Variants in TNR observed in about 807,000 individuals in gnomAD.
TNR encodes tenascin-R.
Under a neutral mutation model 150.4 loss-of-function variants are expected in TNR, and 45 were observed. That is an observed-to-expected ratio of 0.30 (90% CI 0.24 to 0.38). TNR has a LOEUF of 0.38. Among genes scored for constraint, TNR ranks in the 10% least tolerant of loss-of-function variants. The probability of loss-of-function intolerance (pLI) is 1.00; values close to 1 mark genes in which losing one functional copy is unlikely to be tolerated. For missense variants in TNR, 1,544 were observed against 1,759.1 expected, an observed-to-expected ratio of 0.88 and a Z score of 2.19; for synonymous variants, 687 against 678.4, an observed-to-expected ratio of 1.01 and a Z score of -0.20.
Position 175,396,710 on chromosome 1 carries a change from A to G in TNR, c.1074T>C (p.Ser358=). ...GPMAVTEYVI[S]YQPTALGGLQ... is the part of the protein sequence containing the mutation. ...GGCCCCCCAGGGCCGTCGGCTGGTA[A>G]GAGATCACATATTCCGTCACTGCCA... is the stretch of plus-strand genomic sequence containing the variant. Residue 358 remains serine (S), a synonymous_variant, in exon 5 of 23, where the codon TCT becomes TCC. Transcript: ENST00000367674. 6.2e-7 allele frequency: 1 copy of G among 1,610,848 alleles called. No individual in the cohort carries two copies. Among genetic ancestry groups the G allele is most frequent in the Non-Finnish European group, 8.5e-7 (1 of 1,176,996 alleles).
chr1:175,435,467 A>G (rs921820047), intron 2 of TNR, among the ~76,000 whole-genome samples: 2 of 152,248 alleles, frequency 1.3e-5, no homozygotes, highest in African/African-American at 4.8e-5. Flanking sequence ...TAAAGGCTCA[A>G]CTGGGGACAT....
chr1:175,609,351 A>T (rs1179498340), intron 1 of TNR, among the ~76,000 whole-genome samples: 1 of 152,200 alleles, frequency 6.6e-6, no homozygotes, highest in Admixed American at 6.5e-5. Flanking sequence ...AGAGCATGGG[A>T]GCAGGGACTG....
chr1:175,579,173 C>A (rs981969115), intron 1 of TNR, among the ~76,000 whole-genome samples: 2 of 144,856 alleles, frequency 1.4e-5, no homozygotes, highest in African/African-American at 2.6e-5. Flanking sequence ...TCTTTCCTTC[C>A]TTCCTTCCTT....
At chr1:175,523,509 T>C (rs1418847078) in intron 2 of TNR, among the ~76,000 whole-genome samples, 2 of 152,168 alleles carry the variant, frequency 1.3e-5, no homozygotes, top group Admixed American at 6.5e-5. Flanking sequence ...ACACAAATGA[T>C]TGCAATACAA....
chr1:175,667,243 A>T (rs1318440012), intron 1 of TNR, among the ~76,000 whole-genome samples: 1 of 152,178 alleles, frequency 6.6e-6, no homozygotes, highest in African/African-American at 2.4e-5. Context: ...GACACTTTGC[A>T]CACGTGGTCT....
intron 1 of TNR, among the ~76,000 whole-genome samples, chr1:175,563,908 C>T (rs763834644): frequency 4.6e-5 from 7 of 152,184 alleles, no homozygotes; most frequent in Non-Finnish European, 7.3e-5. Flanking sequence ...CTAAGGCTCA[C>T]GCCACCCTTC....
chr1:175,696,027 T>G (rs1175206123), intron 1 of TNR, among the ~76,000 whole-genome samples: 1 of 152,224 alleles, frequency 6.6e-6, no homozygotes, highest in Non-Finnish European at 1.5e-5. Flanking sequence ...GATAGATTAA[T>G]ATTAGCCAAT....
intron 14 of TNR, among the ~76,000 whole-genome samples, chr1:175,360,680 C>A (rs1651549323): frequency 6.6e-6 from 1 of 152,082 alleles, no homozygotes; most frequent in East Asian, 1.9e-4. Context: ...TTGCCTATGT[C>A]CTTTATCACA....
chr1:175,337,524 T>G lies in TNR; in HGVS notation c.3534+4A>C. 6.2e-7 allele frequency: 1 copy of G among 1,612,728 alleles called. No individual in the cohort carries two copies. The highest frequency in any genetic ancestry group is 8.5e-7 in the Non-Finnish European group (1 of 1,179,998). On this transcript the variant is annotated splice_donor_region_variant and intron_variant, in intron 19 of 22. Transcript: ENST00000367674. ...TGTGCAAGGAGAGCACAGATTGTACTTACAATCCAGCCGCCCCCGTCGGTG... is the reference window on the plus strand; with the variant it reads ...TGTGCAAGGAGAGCACAGATTGTACGTACAATCCAGCCGCCCCCGTCGGTG...
At chr1:175,560,926 C>G (rs1259493352) in intron 1 of TNR, among the ~76,000 whole-genome samples, 1 of 152,174 alleles carries the variant, frequency 6.6e-6, no homozygotes, top group African/African-American at 2.4e-5. Flanking sequence ...TTTTGTTCCT[C>G]TCTGTTGAAA....
At chr1:175,389,966 A>G (rs1216366589) in intron 7 of TNR, among the ~76,000 whole-genome samples, 3 of 152,236 alleles carry the variant, frequency 2.0e-5, no homozygotes, top group African/African-American at 7.2e-5. Context: ...AAGGACAAAA[A>G]TCTTAAATGG....
chr1:175,565,113 T>C (rs1661591095), intron 1 of TNR, among the ~76,000 whole-genome samples: 1 of 152,214 alleles, frequency 6.6e-6, no homozygotes, highest in Admixed American at 6.5e-5. Flanking sequence ...GAATCCTGGA[T>C]CTTAAGAAAA....
In TNR at chr1:175,714,965, G is replaced by C. The variant is rs1000609156; in HGVS notation, c.-165+28261C>G. ...CAGAACTGGTAGGGGGCATGGGATG[G>C]ACACAAAGCCAACCCTTCTACTCTC... On this transcript the variant is annotated intron_variant, in intron 1 of 22. Transcript: ENST00000367674. Among the ~76,000 whole-genome samples, 8 of 152,140 alleles carry C rather than the reference G, an allele frequency of 5.3e-5. No homozygotes were observed. The South Asian group carries it at 1.7e-3, about 32-fold the overall frequency.
intron 2 of TNR, among the ~76,000 whole-genome samples, chr1:175,457,887 C>A (rs1353410688): frequency 6.6e-6 from 1 of 152,166 alleles, no homozygotes; most frequent in Non-Finnish European, 1.5e-5. Flanking sequence ...GGTCCAGGAA[C>A]AAAAATTGAT....
intron 2 of TNR, among the ~76,000 whole-genome samples, chr1:175,407,028 C>G (rs1653996139): frequency 6.6e-6 from 1 of 152,180 alleles, no homozygotes; most frequent in Non-Finnish European, 1.5e-5. Context: ...ACACACAGGT[C>G]TGGTCCCATG....
intron 2 of TNR, among the ~76,000 whole-genome samples, chr1:175,471,069 G>C (rs954011669): frequency 2.0e-5 from 3 of 152,192 alleles, no homozygotes; most frequent in Non-Finnish European, 4.4e-5. Flanking sequence ...CACTGCTTTT[G>C]TTTGACACAT....
chr1:175,715,633 T>C (rs1466923578), intron 1 of TNR, among the ~76,000 whole-genome samples: 3 of 152,156 alleles, frequency 2.0e-5, no homozygotes, highest in South Asian at 2.1e-4. Flanking sequence ...GTTGGTACCA[T>C]GGGATGATGC....
chr1:175,668,555 C>G (rs1372592591), intron 1 of TNR, among the ~76,000 whole-genome samples: 1 of 152,130 alleles, frequency 6.6e-6, no homozygotes, highest in Admixed American at 6.5e-5. Context: ...TGCCCTGAGA[C>G]TGGGCAAAAG....
intron 2 of TNR, among the ~76,000 whole-genome samples, chr1:175,466,401 T>C (rs978453233): frequency 6.6e-6 from 1 of 152,170 alleles, no homozygotes; most frequent in Admixed American, 6.5e-5. Context: ...AGTTTCCCCA[T>C]TTGGTCACTT....
Sources: gnomAD v4.1 joint callset for allele counts (sites outside exome capture counted in the v4.1 genomes callset) on GRCh38, gnomAD v4.1.1 for gene constraint, MANE v1.5 for transcripts, NCBI Gene and HGNC (gene_info 2026-07-23, HGNC 2026-07-21) for gene names.